TNFRSF21: variants seen among roughly 807,000 people sequenced by gnomAD.
The protein encoded by TNFRSF21 is TNF receptor superfamily member 21.
In TNFRSF21, 19 loss-of-function variants were observed where a neutral mutation model predicts 45.6. That is an observed-to-expected ratio of 0.42 (90% CI 0.29 to 0.61). The LOEUF (loss-of-function observed/expected upper bound fraction) is 0.61. Ranked by LOEUF, TNFRSF21 falls within the 20% of genes least tolerant of loss-of-function variation. TNFRSF21 has a pLI of 0.23. For missense variants in TNFRSF21, 737 were observed against 851.5 expected (o/e 0.87, Z 1.67); for synonymous variants, 314 against 335.5 (o/e 0.94, Z 0.70).
chr6:47,255,975 A>AT (rs1735511461), intron 3 of TNFRSF21, among the ~76,000 whole-genome samples: 1 of 152,120 alleles, frequency 6.6e-6, no homozygotes, highest in South Asian at 2.1e-4. Context: ...AAATAAAAAT[A>AT]TTTTTTGCAC....
chr6:47,239,320 A>C (rs1338896710), intron 4 of TNFRSF21, among the ~76,000 whole-genome samples: 3 of 150,576 alleles, frequency 2.0e-5, no homozygotes, highest in Admixed American at 2.0e-4. Flanking sequence ...AGGAAACTGA[A>C]GCCCAAAAAT....
chr6:47,304,922 T>C (rs1185424802), intron 1 of TNFRSF21, among the ~76,000 whole-genome samples: 2 of 152,152 alleles, frequency 1.3e-5, no homozygotes, highest in Non-Finnish European at 2.9e-5. Context: ...ACTCATGGGG[T>C]CGGTCAGGAC....
intron 1 of TNFRSF21, among the ~76,000 whole-genome samples, chr6:47,290,728 C>T (rs1373481647): frequency 6.6e-6 from 1 of 152,152 alleles, no homozygotes; most frequent in Non-Finnish European, 1.5e-5. Context: ...CCAGCTCCCG[C>T]AAGCAGAGCC....
At chr6:47,269,759 T>C (rs1444190001) in intron 3 of TNFRSF21, among the ~76,000 whole-genome samples, 2 of 152,146 alleles carry the variant, frequency 1.3e-5, no homozygotes, top group South Asian at 2.1e-4. Flanking sequence ...TTAATATCTC[T>C]CATAAGCATT....
intron 1 of TNFRSF21, 75 bp downstream of exon 1, chr6:47,309,341 G>T: frequency 6.8e-7 from 1 of 1,473,324 alleles, no homozygotes; most frequent in South Asian, 1.3e-5. Flanking sequence ...CCGGCCCGGT[G>T]ACCCGCCCGG....
intron 1 of TNFRSF21, among the ~76,000 whole-genome samples, chr6:47,290,341 C>A (rs1161388716): frequency 6.6e-6 from 1 of 152,178 alleles, no homozygotes; most frequent in Admixed American, 6.5e-5. Flanking sequence ...CACACACACA[C>A]TCACAAGGGT....
At chr6:47,243,868 T>C (rs1223921632) in intron 4 of TNFRSF21, among the ~76,000 whole-genome samples, 1 of 150,100 alleles carries the variant, frequency 6.7e-6, no homozygotes, top group Admixed American at 6.6e-5. Context: ...TGAAGGGCAT[T>C]TGTAGATCTC....
intron 3 of TNFRSF21, among the ~76,000 whole-genome samples, chr6:47,261,478 G>A (rs923213594): frequency 2.0e-5 from 3 of 152,162 alleles, no homozygotes; most frequent in Non-Finnish European, 2.9e-5. Context: ...TGTAACCTAA[G>A]CCACTGAGAA....
chr6:47,239,604 ATGT>A (rs1288584194), intron 4 of TNFRSF21, among the ~76,000 whole-genome samples: 2 of 152,208 alleles, frequency 1.3e-5, no homozygotes, highest in Non-Finnish European at 2.9e-5. Flanking sequence ...TCTGTGTGGC[ATGT>A]ACTTCATGTT....
intron 3 of TNFRSF21, among the ~76,000 whole-genome samples, chr6:47,268,157 G>C (rs114513023): frequency 6.0e-4 from 92 of 152,310 alleles, no homozygotes; most frequent in African/African-American, 2.1e-3. Flanking sequence ...GCTCCCCACT[G>C]ACTCGTGGTG....
At chr6:47,241,335 A>G (rs1764739928) in intron 4 of TNFRSF21, among the ~76,000 whole-genome samples, 1 of 152,202 alleles carries the variant, frequency 6.6e-6, no homozygotes, top group African/African-American at 2.4e-5. Context: ...TTTCTCCCTT[A>G]AAAAATAAAA....
Position 47,277,799 on chromosome 6 carries a change from C to G in TNFRSF21, c.1243+6139G>C, listed in dbSNP as rs369769691. 1.3e-4 allele frequency among the ~76,000 whole-genome samples: 20 copies of G among 152,114 alleles called. 1 individual carries two copies. In the South Asian group the frequency reaches 3.1e-3, roughly 24 times the overall value. ...AATGGCAAATCCAGAATTTTAGAAC[C>G]CAGGTTTATGAATTTCTAGTCTATG... On this transcript the variant is annotated intron_variant, in intron 3 of 5. Coordinates refer to ENST00000296861, the MANE Select transcript of TNFRSF21 (RefSeq NM_014452.5).
In TNFRSF21 at chr6:47,244,800, T is replaced by C. The variant is rs1764800956; in HGVS notation, c.1509+8456A>G. ...AAAATAAGTGATGAAAACCTCGAAA[T>C]TAACTGATATAAAATAAAACCTACT... On this transcript the variant is annotated intron_variant, in intron 4 of 5. Coordinates refer to ENST00000296861, the MANE Select transcript of TNFRSF21 (RefSeq NM_014452.5). Among the ~76,000 whole-genome samples the C allele has an allele frequency of 2.6e-5, 4 of 152,298 alleles. No homozygotes were observed. In the South Asian group the frequency reaches 8.3e-4, roughly 32 times the overall value.
At chr6:47,307,019 T>C (rs1162764331) in intron 1 of TNFRSF21, among the ~76,000 whole-genome samples, 1 of 152,220 alleles carries the variant, frequency 6.6e-6, no homozygotes, top group Middle Eastern at 3.2e-3. Context: ...CATCATTTTA[T>C]ACATTAACAA....
chr6:47,289,565 C>T (rs1762692951), intron 1 of TNFRSF21, among the ~76,000 whole-genome samples: 1 of 152,172 alleles, frequency 6.6e-6, no homozygotes, highest in Non-Finnish European at 1.5e-5. Context: ...TCTGTAATGT[C>T]TTCCCTTATC....
chr6:47,284,874 T>TA (rs1284224392), intron 2 of TNFRSF21, among the ~76,000 whole-genome samples: 3 of 152,014 alleles, frequency 2.0e-5, no homozygotes, highest in African/African-American at 2.4e-5. Context: ...ATGACTAAGA[T>TA]AAAAAAAAGA....
Position 47,301,329 on chromosome 6 carries a change from T to G in TNFRSF21, c.96+8087A>C, listed in dbSNP as rs146254755. Among the ~76,000 whole-genome samples, 135 of 152,344 alleles carry G rather than the reference T, an allele frequency of 8.9e-4. 1 individual carries two copies. Among genetic ancestry groups the G allele is most frequent in the African/African-American group, 2.9e-3 (120 of 41,576 alleles). ...GTCTTTGAGAAGCTGAAAAACAATA[T>G]TAGCCCTGAGCTTTTCAAATGAGGA... On this transcript the variant is annotated intron_variant, in intron 1 of 5. Coordinates refer to ENST00000296861, the MANE Select transcript of TNFRSF21 (RefSeq NM_014452.5).
In TNFRSF21 at chr6:47,276,422, C is replaced by T. The variant is rs571797374; in HGVS notation, c.1243+7516G>A. On this transcript the variant is annotated intron_variant, in intron 3 of 5. Coordinates refer to ENST00000296861, the MANE Select transcript of TNFRSF21 (RefSeq NM_014452.5). ...AGTTACTGCTAGAGGAAAAACTGAG[C>T]TCGAACTGTTGAAATTCGAGAAAGC... Among the ~76,000 whole-genome samples, 3 of 152,316 alleles carry T rather than the reference C, an allele frequency of 2.0e-5. No homozygotes were observed. In the South Asian group the frequency reaches 6.2e-4, roughly 32 times the overall value.
In TNFRSF21 at chr6:47,232,135, T is replaced by C. The variant is rs1037344339; in HGVS notation, c.*630A>G. ...CAATAGTGTGGTCAAGTTTCAGCCA[T>C]GAATATGAACTATACAAGACATATT... is the stretch of plus-strand genomic sequence containing the variant. On this transcript the variant is annotated 3_prime_UTR_variant, in exon 6 of 6. Transcript: ENST00000296861. 3.9e-5 allele frequency: 6 copies of C among 152,380 alleles called. No individual in the cohort carries two copies. The highest frequency in any genetic ancestry group is 1.4e-4 in the African/African-American group (6 of 41,450). The allele number at this position is 152,380 out of a possible 1,614,324, so 9.4% of individuals were successfully genotyped here.
Sources: gnomAD v4.1 joint callset for allele counts (sites outside exome capture counted in the v4.1 genomes callset) on GRCh38, gnomAD v4.1.1 for gene constraint, MANE v1.5 for transcripts, NCBI Gene and HGNC (gene_info 2026-07-23, HGNC 2026-07-21) for gene names.